SORCS3: variants seen among roughly 807,000 people sequenced by gnomAD.
SORCS3 encodes the protein sortilin related VPS10 domain containing receptor 3.
In SORCS3, 57 loss-of-function variants were observed where a neutral mutation model predicts 146.3. The ratio of observed to expected loss-of-function variants is 0.39; its 90% confidence interval spans 0.31 to 0.49. The LOEUF is 0.49. SORCS3 is among the 20% of genes least tolerant of loss of function. SORCS3 has a pLI of 0.92. For synonymous variants in SORCS3, 653 were observed against 618.5 expected (o/e 1.06, Z -0.83); for missense variants, 1,341 against 1,575.5 (o/e 0.85, Z 2.52).
chr10:105,260,703 G>A (rs1482676114), intron 25 of SORCS3, among the ~76,000 whole-genome samples: 1 of 152,220 alleles, frequency 6.6e-6, no homozygotes, highest in Non-Finnish European at 1.5e-5. Flanking sequence ...TGGAGTTGGA[G>A]CAGATAGGGG....
intron 13 of SORCS3, among the ~76,000 whole-genome samples, chr10:105,176,679 C>A (rs1157922026): frequency 6.6e-6 from 1 of 151,966 alleles, no homozygotes; most frequent in African/African-American, 2.4e-5. Flanking sequence ...CACAGTGAAA[C>A]CCTTTCTCTA....
chr10:104,925,016 G>T (rs2019127743), intron 3 of SORCS3, among the ~76,000 whole-genome samples: 1 of 152,132 alleles, frequency 6.6e-6, no homozygotes. Flanking sequence ...CGTCATCTAG[G>T]TTTTAAGCCC....
At chr10:104,657,435 C>T (rs529628464) in intron 1 of SORCS3, among the ~76,000 whole-genome samples, 67 of 152,272 alleles carry the variant, frequency 4.4e-4, no homozygotes, top group South Asian at 8.3e-4. Flanking sequence ...AACATAATTA[C>T]GGTATAAAGT....
intron 1 of SORCS3, among the ~76,000 whole-genome samples, chr10:104,657,230 CCCAGTCCAG>C (rs1321355747): frequency 1.3e-5 from 2 of 152,178 alleles, no homozygotes; most frequent in Non-Finnish European, 2.9e-5. Context: ...ATCAGCCCAG[CCCAGTCCAG>C]CTAGAACCAC....
At chr10:104,696,011 AAT>A (rs1490739341) in intron 1 of SORCS3, among the ~76,000 whole-genome samples, 3 of 78,312 alleles carry the variant, frequency 3.8e-5, no homozygotes, top group South Asian at 5.0e-4. Flanking sequence ...TAATATATAT[AAT>A]ATATATCATA....
intron 3 of SORCS3, among the ~76,000 whole-genome samples, chr10:104,956,683 G>A (rs1335131627): frequency 6.6e-6 from 1 of 151,928 alleles, no homozygotes; most frequent in East Asian, 1.9e-4. Flanking sequence ...GGGTTTGACT[G>A]TGTCTTTCTC....
At chr10:105,069,595 T>C (rs967825908) in intron 5 of SORCS3, among the ~76,000 whole-genome samples, 2 of 152,198 alleles carry the variant, frequency 1.3e-5, no homozygotes, top group Non-Finnish European at 2.9e-5. Flanking sequence ...AGACAGTGCT[T>C]GGCTCTGCCA....
chr10:105,004,115 T>C (rs192734380), intron 4 of SORCS3, among the ~76,000 whole-genome samples: 38 of 152,056 alleles, frequency 2.5e-4, no homozygotes, highest in African/African-American at 8.9e-4. Flanking sequence ...TATGGGACTG[T>C]GGGTGGCTAT....
At chr10:104,751,213 C>A (rs1194479483) in intron 1 of SORCS3, among the ~76,000 whole-genome samples, 2 of 151,966 alleles carry the variant, frequency 1.3e-5, no homozygotes, top group East Asian at 3.9e-4. Context: ...AATTTGGGGT[C>A]AAAATAAGGA....
chr10:105,138,360 G>A (rs912549022), intron 7 of SORCS3, among the ~76,000 whole-genome samples: 1 of 152,158 alleles, frequency 6.6e-6, no homozygotes, highest in Non-Finnish European at 1.5e-5. Flanking sequence ...CAGTAGAGAA[G>A]TTACAGCTCT....
intron 21 of SORCS3, 135 bp downstream of exon 21, chr10:105,245,800 C>A: frequency 9.5e-7 from 1 of 1,048,676 alleles, no homozygotes; most frequent in Non-Finnish European, 1.3e-6. Context: ...AGGAAGCTTC[C>A]AAACCTACCT....
In SORCS3 at chr10:104,957,710, T is replaced by A. The variant is rs530799252; in HGVS notation, c.796-19625T>A. ...GAGGCAGCTGGGGCTCCTCATTATG[T>A]AGTTATCTGGAAGACCCTTTTCTCT... On this transcript the variant is annotated intron_variant, in intron 3 of 26. Coordinates refer to ENST00000369701, the MANE Select transcript of SORCS3 (RefSeq NM_014978.3). Among the ~76,000 whole-genome samples, 21 of 152,228 alleles carry A rather than the reference T, an allele frequency of 1.4e-4. No individual in the cohort carries two copies. In the South Asian group the frequency reaches 3.7e-3, roughly 27 times the overall value.
intron 20 of SORCS3, among the ~76,000 whole-genome samples, chr10:105,244,500 G>A (rs948846076): frequency 6.6e-6 from 1 of 152,000 alleles, no homozygotes; most frequent in South Asian, 2.1e-4. Flanking sequence ...ATGGATTTTT[G>A]TATACACAGC....
intron 13 of SORCS3, among the ~76,000 whole-genome samples, chr10:105,176,512 C>T (rs113547581): frequency 0.013 from 2,049 of 151,840 alleles, 47 homozygotes; most frequent in African/African-American, 0.046. Context: ...ATGATCACGC[C>T]GATGCACTCC....
chr10:105,142,383 T>C (rs988755475), intron 8 of SORCS3, among the ~76,000 whole-genome samples: 3 of 152,194 alleles, frequency 2.0e-5, no homozygotes, highest in African/African-American at 7.2e-5. Context: ...ACGTCTGTCT[T>C]GTTTACCTAT....
At chr10:105,131,393 C>G (rs898148448) in intron 7 of SORCS3, among the ~76,000 whole-genome samples, 2 of 152,140 alleles carry the variant, frequency 1.3e-5, no homozygotes, top group African/African-American at 4.8e-5. Flanking sequence ...CAGCACAATC[C>G]TCTAACTGGA....
At chr10:104,992,761 CTCATCTT>C (rs1382853556) in intron 4 of SORCS3, among the ~76,000 whole-genome samples, 1 of 152,172 alleles carries the variant, frequency 6.6e-6, no homozygotes, top group Non-Finnish European at 1.5e-5. Flanking sequence ...CTGAGTCCTG[CTCATCTT>C]TCAAAACTCA....
chr10:105,229,724 G>T lies in SORCS3; in HGVS notation c.2868+6475G>T, dbSNP rs78502088. 2.7e-3 allele frequency among the ~76,000 whole-genome samples: 406 copies of T among 152,270 alleles called. 4 individuals carry two copies. Among genetic ancestry groups the T allele is most frequent in the African/African-American group, 9.4e-3 (389 of 41,556 alleles). On this transcript the variant is annotated intron_variant, in intron 20 of 26. Coordinates refer to ENST00000369701, the MANE Select transcript of SORCS3 (RefSeq NM_014978.3). ...GGACTGGGATGTCAGGTGGGCCAGG[G>T]TCTGGGGTCCTAGGGTAGCAGCAGT...
chr10:105,055,929 G>C (rs1402145572), intron 5 of SORCS3, among the ~76,000 whole-genome samples: 2 of 152,186 alleles, frequency 1.3e-5, no homozygotes, highest in Non-Finnish European at 2.9e-5. Context: ...TTTAGCAGAT[G>C]TGATGCAAAT....
Sources: gnomAD v4.1 joint callset for allele counts (sites outside exome capture counted in the v4.1 genomes callset) on GRCh38, gnomAD v4.1.1 for gene constraint, MANE v1.5 for transcripts, NCBI Gene and HGNC (gene_info 2026-07-23, HGNC 2026-07-21) for gene names.